CDC14A: variants seen among roughly 807,000 people sequenced by gnomAD.
CDC14A encodes cell division cycle 14A.
In CDC14A, 53 loss-of-function variants were observed where a neutral mutation model predicts 74.4. The ratio of observed to expected loss-of-function variants is 0.71; its 90% CI spans 0.57 to 0.89. The LOEUF (loss-of-function observed/expected upper bound fraction) is 0.89. Ranked by LOEUF, CDC14A falls within the 40% of genes least tolerant of loss-of-function variation. The probability of loss-of-function intolerance (pLI) is 0.00; values close to 1 mark genes in which losing one functional copy is unlikely to be tolerated. For missense variants in CDC14A, 646 were observed against 713.7 expected (o/e 0.91, Z 1.08); for synonymous variants, 247 against 258.4 (o/e 0.96, Z 0.43).
In CDC14A at chr1:100,420,057, CACACACAT is replaced by C. The variant is rs1173829021; in HGVS notation, c.310-4163_310-4156del. On this transcript the variant is annotated intron_variant, in intron 4 of 15. Coordinates refer to ENST00000336454, the MANE Select transcript of CDC14A (RefSeq NM_003672.4). The stretch of plus-strand genomic sequence containing the variant: ...ACACACACACACACACACACACACA[CACACACAT>C]ATATATATATATATATAGTGTGTAT... Among the ~76,000 whole-genome samples the C allele has an allele frequency of 4.9e-4, 15 of 30,578 alleles. 1 individual carries two copies. Among genetic ancestry groups the C allele is most frequent in the Admixed American group, 1.5e-3 (4 of 2,602 alleles). 20.1% of individuals were successfully genotyped at this position (30,578 alleles called of 152,430 possible).
Position 100,484,339 on chromosome 1 carries a change from T to A in CDC14A, c.1025T>A (p.Leu342Gln). ...CAAGGAGACATTTTCCGATCCAAAC[T>A]GAAAAATCGACCATCCAGTGAAGGA... ...WVQGDIFRSK[L>Q]KNRPSSEGSI... The change falls in exon 11 of 16, where the codon CTG (leucine) becomes CAG (glutamine). Residue 342 changes from leucine to glutamine, a missense_variant. Physicochemically the swap from Leu to Gln is moderately radical, Grantham distance 113. Transcript: ENST00000336454. 1 of 1,604,608 alleles carries A rather than the reference T, an allele frequency of 6.2e-7. No homozygotes were observed. Among genetic ancestry groups the A allele is most frequent in the Non-Finnish European group, 8.5e-7 (1 of 1,175,600 alleles).
At chr1:100,374,135 C>T (rs1351495504) in intron 2 of CDC14A, among the ~76,000 whole-genome samples, 1 of 152,146 alleles carries the variant, frequency 6.6e-6, no homozygotes, top group Non-Finnish European at 1.5e-5. Context: ...GACATGAACT[C>T]ATCATTTTTT....
In CDC14A at chr1:100,400,506, T is replaced by C. The variant is rs998556101; in HGVS notation, c.309+9682T>C. 3.9e-5 allele frequency among the ~76,000 whole-genome samples: 6 copies of C among 152,152 alleles called. No homozygotes were observed. The East Asian group carries it at 9.6e-4, about 24-fold the overall frequency. On this transcript the variant is annotated intron_variant, in intron 4 of 15. Coordinates refer to ENST00000336454, the MANE Select transcript of CDC14A (RefSeq NM_003672.4). ...GTTTGCTTCTGCTTATAGAAGTTAG[T>C]GGAGAGGAAGGGAGGGGAGGCACAT...
chr1:100,382,944 G>T lies in CDC14A; in HGVS notation c.216+5323G>T, dbSNP rs189066575. Among the ~76,000 whole-genome samples the T allele has an allele frequency of 2.0e-5, 3 of 152,218 alleles. No homozygotes were observed. The East Asian group carries it at 5.8e-4, about 29-fold the overall frequency. On this transcript the variant is annotated intron_variant, in intron 3 of 15. Coordinates refer to ENST00000336454, the MANE Select transcript of CDC14A (RefSeq NM_003672.4). ...ACCAGGCACCTGCCACCCTATCGGGGGTTATATACACCAGAACTCTTTTGA... is the reference window on the plus strand; with the variant it reads ...ACCAGGCACCTGCCACCCTATCGGGTGTTATATACACCAGAACTCTTTTGA...
chr1:100,518,540 G>T lies in CDC14A; in HGVS notation c.*260G>T. ...GTTTTAATGTTGAATTTGGTATTTTGAAGGGTTATTTTTAATGTATTTTGG... is the reference window on the plus strand; with the variant it reads ...GTTTTAATGTTGAATTTGGTATTTTTAAGGGTTATTTTTAATGTATTTTGG... On this transcript the variant is annotated 3_prime_UTR_variant, in exon 16 of 16. Transcript: ENST00000336454. The T allele has an allele frequency of 2.8e-6, 1 of 351,680 alleles. No individual in the cohort carries two copies. The highest frequency in any genetic ancestry group is 5.2e-6 in the Non-Finnish European group (1 of 191,328). 21.8% of individuals were successfully genotyped at this position (351,680 alleles called of 1,614,324 possible).
intron 8 of CDC14A, among the ~76,000 whole-genome samples, chr1:100,458,096 C>G (rs1353587949): frequency 6.6e-6 from 1 of 152,190 alleles, no homozygotes; most frequent in East Asian, 1.9e-4. Flanking sequence ...AAGCCTCTTG[C>G]ATATACATCA....
chr1:100,360,892 G>A (rs746901277), intron 2 of CDC14A, among the ~76,000 whole-genome samples: 45 of 152,094 alleles, frequency 3.0e-4, no homozygotes, highest in Admixed American at 9.2e-4. Flanking sequence ...CTGAGAGAGA[G>A]CTCCAAGTGG....
chr1:100,385,305 T>G (rs1479387458), intron 3 of CDC14A, among the ~76,000 whole-genome samples: 1 of 152,178 alleles, frequency 6.6e-6, no homozygotes, highest in East Asian at 1.9e-4. Flanking sequence ...AGTGTCAGCA[T>G]TACTGGAAAA....
chr1:100,420,029 T>TACACAC (rs1322632330), intron 4 of CDC14A, among the ~76,000 whole-genome samples: 1 of 17,700 alleles, frequency 5.6e-5, no homozygotes, highest in South Asian at 1.6e-3. Flanking sequence ...TATATACATA[T>TACACAC]ATACACACAC....
rs181863550 is a variant in CDC14A at position 100,508,573 on chromosome 1, G to A, written c.1755+9311G>A. Reference sequence around the variant, plus strand: ...TCTGCCCGATCATCTAGGCCTTTCAGTCTAGAAACAGACCTTAATGACCCA... The same window carrying A: ...TCTGCCCGATCATCTAGGCCTTTCAATCTAGAAACAGACCTTAATGACCCA... On this transcript the variant is annotated intron_variant, in intron 15 of 15. Transcript: ENST00000336454. This position sits in a 1 kb window ranked among gnomAD's most constrained non-coding sequence, Gnocchi z 4.4. 1.4e-4 allele frequency among the ~76,000 whole-genome samples: 21 copies of A among 152,142 alleles called. No individual in the cohort carries two copies. Among genetic ancestry groups the A allele is most frequent in the African/African-American group, 5.1e-4 (21 of 41,498 alleles).
chr1:100,420,063 C>CATATATATATATATAT (rs1553180578), intron 4 of CDC14A, among the ~76,000 whole-genome samples: 2,545 of 61,262 alleles, frequency 0.042, 154 homozygotes, highest in Non-Finnish European at 0.071. Context: ...CACACACACA[C>CATATATATATATATAT]ATATATATAT....
At chr1:100,516,291 C>T (rs1417190690) in intron 15 of CDC14A, among the ~76,000 whole-genome samples, 18 of 152,008 alleles carry the variant, frequency 1.2e-4, no homozygotes. Flanking sequence ...TATATGCACA[C>T]ACACATATTT....
At chr1:100,377,506 T>G (rs1479378156) in intron 2 of CDC14A, 40 bp from the exon 3 acceptor site, 6 of 1,369,648 alleles carry the variant, frequency 4.4e-6, no homozygotes, top group Non-Finnish European at 6.2e-6. Flanking sequence ...AAATTATACT[T>G]TGACTAAATA....
intron 10 of CDC14A, among the ~76,000 whole-genome samples, chr1:100,480,161 C>G (rs1669305402): frequency 6.6e-6 from 1 of 152,180 alleles, no homozygotes; most frequent in African/African-American, 2.4e-5. Flanking sequence ...ATCTCCACCC[C>G]CTACCCAAGT....
chr1:100,398,471 G>A (rs74377130), intron 4 of CDC14A, among the ~76,000 whole-genome samples: 5,690 of 152,246 alleles, frequency 0.037, 128 homozygotes, highest in Middle Eastern at 0.099. Context: ...GAAGGTAGGA[G>A]TATATTTCTC....
chr1:100,420,051 C>T (rs868761249), intron 4 of CDC14A, among the ~76,000 whole-genome samples: 695 of 14,812 alleles, frequency 0.047, 30 homozygotes, highest in African/African-American at 0.16. Context: ...CACACACACA[C>T]ACACACACAC....
At chr1:100,369,332 C>T (rs1356940633) in intron 2 of CDC14A, among the ~76,000 whole-genome samples, 3 of 152,152 alleles carry the variant, frequency 2.0e-5, no homozygotes, top group African/African-American at 7.2e-5. Context: ...TGGTCTTGAT[C>T]TCTTGACCTC....
At chr1:100,499,465 G>A (rs1204526215) in intron 15 of CDC14A, 2 of 1,453,960 alleles carry the variant, frequency 1.4e-6, no homozygotes, top group Non-Finnish European at 1.8e-6. Context: ...TCACAACTGG[G>A]TTTTCTTCCT....
intron 5 of CDC14A, among the ~76,000 whole-genome samples, chr1:100,435,648 G>A (rs1664230048): frequency 6.6e-6 from 1 of 151,914 alleles, no homozygotes; most frequent in Admixed American, 6.6e-5. Context: ...GGCTGACATG[G>A]TAAAACCCTG....
Sources: allele counts gnomAD v4.1 joint callset (sites outside exome capture counted in the v4.1 genomes callset), GRCh38; gene constraint gnomAD v4.1.1; non-coding constraint Gnocchi (gnomAD v3.1); transcripts MANE v1.5; gene names NCBI Gene and HGNC (gene_info 2026-07-23, HGNC 2026-07-21).